The following TPTE variants were observed in gnomAD, a reference collection of about 807,000 sequenced individuals.
TPTE encodes transmembrane phosphatase with tensin homology.
In TPTE, 59 loss-of-function variants were observed where a neutral mutation model predicts 84.1. The observed-to-expected ratio is 0.70, with a 90% CI of 0.57 to 0.87. The LOEUF (loss-of-function observed/expected upper bound fraction) is 0.87, where lower values mean the gene tolerates loss of function less well. Among genes scored for constraint, TPTE ranks in the 40% least tolerant of loss-of-function variants. TPTE has a pLI of 0.00. For synonymous variants in TPTE, 130 were observed against 223.5 expected, an observed-to-expected ratio of 0.58 and a Z score of 3.73; for missense variants, 382 against 659.6, an observed-to-expected ratio of 0.58 and a Z score of 4.61.
At chr21:10,600,934 A>G (rs1978406996) in intron 21 of TPTE, among the ~76,000 whole-genome samples, 1 of 152,308 alleles carries the variant, frequency 6.6e-6, no homozygotes, top group African/African-American at 2.4e-5. Context: ...GAGCAGGGGG[A>G]CCCCACTCTC....
rs1206698220 is a variant in TPTE at position 10,523,377 on chromosome 21, G to A, written c.-210-1203G>A. Among the ~76,000 whole-genome samples the A allele has an allele frequency of 2.6e-5, 4 of 152,412 alleles. No homozygotes were observed. In the East Asian group the frequency reaches 7.7e-4, roughly 29 times the overall value. ...AGGTTAGTTACATATGTAAACGTGT[G>A]ACATGCTGGTGCGCTGCACCCACAA... On this transcript the variant is annotated intron_variant, in intron 1 of 23. Coordinates refer to ENST00000618007, the MANE Select transcript of TPTE (RefSeq NM_199261.4).
intron 3 of TPTE, among the ~76,000 whole-genome samples, chr21:10,527,826 G>C (rs1324391207): frequency 2.0e-5 from 3 of 152,300 alleles, no homozygotes; most frequent in African/African-American, 7.2e-5. Flanking sequence ...CCCTGCCTCA[G>C]GTTTAGTCAC....
intron 10 of TPTE, among the ~76,000 whole-genome samples, chr21:10,563,368 CTG>C (rs1316262173): frequency 6.6e-6 from 1 of 152,308 alleles, no homozygotes; most frequent in Admixed American, 6.5e-5. Flanking sequence ...TGTCATAACA[CTG>C]TAACTATGAT....
At chr21:10,537,669 C>T (rs1292394396) in intron 3 of TPTE, among the ~76,000 whole-genome samples, 2 of 148,684 alleles carry the variant, frequency 1.3e-5, no homozygotes, top group East Asian at 3.9e-4. Flanking sequence ...CAGAGCGAGA[C>T]TCCCCCTCAA....
At chr21:10,532,956 CTT>C (rs1164339497) in intron 3 of TPTE, among the ~76,000 whole-genome samples, 2 of 152,298 alleles carry the variant, frequency 1.3e-5, no homozygotes, top group Admixed American at 1.3e-4. Flanking sequence ...AGAATTTTCT[CTT>C]TGTCTCCATT....
intron 10 of TPTE, among the ~76,000 whole-genome samples, chr21:10,566,100 A>G (rs2074915532): frequency 6.6e-6 from 1 of 152,310 alleles, no homozygotes; most frequent in Non-Finnish European, 1.5e-5. Flanking sequence ...AATATTTGCA[A>G]ACTACCCATC....
intron 14 of TPTE, among the ~76,000 whole-genome samples, chr21:10,570,956 CCA>C (rs1177433879): frequency 1.3e-5 from 2 of 152,264 alleles, no homozygotes; most frequent in African/African-American, 4.8e-5. Flanking sequence ...AATGCACCCC[CCA>C]AGGCCCAAGG....
chr21:10,566,181 A>C (rs2145691293), intron 10 of TPTE, among the ~76,000 whole-genome samples: 1 of 152,430 alleles, frequency 6.6e-6, no homozygotes, highest in East Asian at 1.9e-4. Context: ...TAATAATCTA[A>C]TCTTTTAAAT....
intron 2 of TPTE, among the ~76,000 whole-genome samples, 198 bp from the exon 3 acceptor site, chr21:10,527,157 T>A (rs111369067): frequency 0.13 from 17,556 of 131,158 alleles, 45 homozygotes; most frequent in African/African-American, 0.34. Flanking sequence ...TCTCTCTCTC[T>A]CACACACACA....
intron 2 of TPTE, among the ~76,000 whole-genome samples, chr21:10,525,073 G>A (rs1343972161): frequency 6.6e-6 from 1 of 152,310 alleles, no homozygotes; most frequent in African/African-American, 2.4e-5. Flanking sequence ...TTCAAGGATG[G>A]TAAGCTAGTG....
intron 9 of TPTE, among the ~76,000 whole-genome samples, chr21:10,559,899 G>GAA (rs2074761115): frequency 1.9e-4 from 27 of 145,170 alleles, no homozygotes; most frequent in African/African-American, 5.6e-4. Flanking sequence ...AAAAAGAAAA[G>GAA]AAAATATATG....
At chr21:10,575,313 G>A (rs548207550) in intron 14 of TPTE, among the ~76,000 whole-genome samples, 1 of 152,428 alleles carries the variant, frequency 6.6e-6, no homozygotes, top group African/African-American at 2.4e-5. Flanking sequence ...AATCCCTGTA[G>A]GGGCTTTAAC....
At chr21:10,530,138 T>C (rs555012462) in intron 3 of TPTE, among the ~76,000 whole-genome samples, 1 of 152,430 alleles carries the variant, frequency 6.6e-6, no homozygotes, top group East Asian at 1.9e-4. Context: ...TCCTTTTGAC[T>C]TGACATGTTC....
chr21:10,537,510 C>T (rs1457234501), intron 3 of TPTE, among the ~76,000 whole-genome samples: 1 of 152,312 alleles, frequency 6.6e-6, no homozygotes, highest in Non-Finnish European at 1.5e-5. Context: ...AACCCCGTCT[C>T]TACTAAAAAT....
In TPTE at chr21:10,603,622, G is replaced by A. The variant is rs775113189; in HGVS notation, c.1510G>A (p.Glu504Lys). The A allele has an allele frequency of 1.2e-6, 2 of 1,611,918 alleles. No homozygotes were observed. Among genetic ancestry groups the A allele is most frequent in the East Asian group, 2.2e-5 (1 of 44,780 alleles). Residue 504 changes from glutamate to lysine, a missense_variant, in exon 23 of 24, where the codon GAA becomes AAA. Physicochemically the swap from Glu to Lys is moderately conservative, Grantham distance 56 (BLOSUM62 1). This residue lies in a region of TPTE where 120 missense variants were observed against 79.1 expected (regional missense o/e 1.52). Transcript: ENST00000618007. ...FYFWLHTSFIENNRLYLPKNE... is the reference protein window; with the variant it reads ...FYFWLHTSFIKNNRLYLPKNE... ...CTTCTGGTTGCACACATCTTTTATT[G>A]AAAATAACAGGTATGAATATAATAG...
chr21:10,528,450 A>G (rs2074119469), intron 3 of TPTE, among the ~76,000 whole-genome samples: 1 of 152,308 alleles, frequency 6.6e-6, no homozygotes, highest in Non-Finnish European at 1.5e-5. Flanking sequence ...TAAGTAAGCT[A>G]AGTCATATTT....
intron 13 of TPTE, 26 bp downstream of exon 13, chr21:10,569,772 A>G (rs369662660): frequency 3.8e-4 from 613 of 1,613,084 alleles, no homozygotes; most frequent in Non-Finnish European, 5.0e-4. Flanking sequence ...CCGTTGATTT[A>G]CTTGTATTAC....
chr21:10,565,171 A>C (rs1467690965), intron 10 of TPTE, among the ~76,000 whole-genome samples: 1 of 152,306 alleles, frequency 6.6e-6, no homozygotes, highest in African/African-American at 2.4e-5. Context: ...CAGGATACAA[A>C]ATCAATATAC....
At chr21:10,572,874 C>T (rs1464326446) in intron 14 of TPTE, among the ~76,000 whole-genome samples, 1 of 152,154 alleles carries the variant, frequency 6.6e-6, no homozygotes, top group Non-Finnish European at 1.5e-5. Context: ...TTTGTCACTA[C>T]AGAAAGTGAC....
Sources: allele counts gnomAD v4.1 joint callset (sites outside exome capture counted in the v4.1 genomes callset), GRCh38; gene constraint gnomAD v4.1.1; regional missense constraint gnomAD v4.1.1; transcripts MANE v1.5; gene names NCBI Gene and HGNC (gene_info 2026-07-23, HGNC 2026-07-21).